The following MBOAT2 variants were observed in gnomAD, a reference collection of about 807,000 sequenced individuals.
MBOAT2 encodes the protein membrane bound glycerophospholipid O-acyltransferase 2.
Under a neutral mutation model 63.4 loss-of-function variants are expected in MBOAT2, and 28 were observed. The observed-to-expected ratio is 0.44, with a 90% CI of 0.33 to 0.61. The LOEUF is 0.61. MBOAT2 is among the 20% of genes least tolerant of loss of function. MBOAT2 has a pLI of 0.03. For synonymous variants in MBOAT2, 211 were observed against 215.6 expected (o/e 0.98, Z 0.19); for missense variants, 470 against 605.8 (o/e 0.78, Z 2.35).
At chr2:8,999,358 G>A (rs757830341) in intron 1 of MBOAT2, among the ~76,000 whole-genome samples, 25 of 152,260 alleles carry the variant, frequency 1.6e-4, no homozygotes, top group Non-Finnish European at 3.1e-4. Context: ...TGGTTAAAAA[G>A]GCAAGAAAGA....
intron 3 of MBOAT2, among the ~76,000 whole-genome samples, chr2:8,912,361 GAAAGAAAGAAAGAGAA>G (rs1665817370): frequency 5.4e-4 from 57 of 105,028 alleles, no homozygotes; most frequent in African/African-American, 7.8e-4. Context: ...GAGAAAGAAA[GAAAGAAAGAAAGAGAA>G]AGAAAGAAAG....
intron 1 of MBOAT2, among the ~76,000 whole-genome samples, chr2:8,983,095 C>A: frequency 6.6e-6 from 1 of 152,146 alleles, no homozygotes; most frequent in East Asian, 1.9e-4. Flanking sequence ...TTACAGGTCA[C>A]TGAGACTCCC....
intron 1 of MBOAT2, among the ~76,000 whole-genome samples, chr2:8,983,707 T>C (rs1017053421): frequency 2.6e-5 from 4 of 152,194 alleles, no homozygotes; most frequent in Non-Finnish European, 5.9e-5. Context: ...TTCCTAATTT[T>C]GATGGTCATT....
chr2:8,855,636 C>T lies in MBOAT2; in HGVS notation c.*3043G>A, dbSNP rs1452736525. 6.6e-6 allele frequency: 1 copy of T among 152,124 alleles called. No individual in the cohort carries two copies. The highest frequency in any genetic ancestry group is 1.5e-5 in the Non-Finnish European group (1 of 68,024). 9.4% of individuals were successfully genotyped at this position (152,124 alleles called of 1,614,324 possible). A position where few individuals can be genotyped will look rare whatever the true frequency, so the allele number is the denominator to read the frequency against. The stretch of plus-strand genomic sequence containing the variant: ...TATTTTAGAAGCTAAATAAATTCCC[C>T]CAATTACCCTGAGTTCCAATAAAAA... On this transcript the variant is annotated 3_prime_UTR_variant, in exon 13 of 13. Transcript: ENST00000305997.
chr2:8,965,632 C>CT (rs988039620), intron 1 of MBOAT2, among the ~76,000 whole-genome samples: 4 of 152,156 alleles, frequency 2.6e-5, no homozygotes, highest in African/African-American at 9.7e-5. Flanking sequence ...TTTTCTCCAG[C>CT]TTTATATGCT....
At chr2:8,892,780 G>A (rs1558580982) in intron 4 of MBOAT2, among the ~76,000 whole-genome samples, 1 of 152,062 alleles carries the variant, frequency 6.6e-6, no homozygotes, top group Non-Finnish European at 1.5e-5. Flanking sequence ...AATATTCCAG[G>A]AAGAGAGAAA....
Position 8,862,934 on chromosome 2 carries a change from T to C in MBOAT2, c.1053-212A>G. Among the ~76,000 whole-genome samples the C allele has an allele frequency of 6.6e-6, 1 of 151,236 alleles. No individual in the cohort carries two copies. The highest frequency in any genetic ancestry group is 1.9e-4 in the East Asian group (1 of 5,188). ...AACATAAAGTTAATTCTCATCTTCT[T>C]ATTGGTATATATAGTATATATATTG... On this transcript the variant is annotated intron_variant, in intron 10 of 12. Coordinates refer to ENST00000305997, the MANE Select transcript of MBOAT2 (RefSeq NM_138799.4). The surrounding 1 kb of genome is among the most constrained non-coding windows in gnomAD (Gnocchi z 4.3).
At chr2:8,888,140 A>G in intron 4 of MBOAT2, 67 bp from the exon 5 acceptor site, 8 of 1,411,056 alleles carry the variant, frequency 5.7e-6, no homozygotes, top group African/African-American at 2.9e-5. Context: ...ATGACATATG[A>G]GTTAAGAGTT....
intron 3 of MBOAT2, among the ~76,000 whole-genome samples, chr2:8,928,948 T>C (rs527750824): frequency 6.6e-6 from 1 of 152,226 alleles, no homozygotes; most frequent in African/African-American, 2.4e-5. Flanking sequence ...ATTTTGCAAA[T>C]GACTGATCCA....
chr2:8,873,354 A>G, intron 7 of MBOAT2, 54 bp from the exon 8 acceptor site: 2 of 1,534,822 alleles, frequency 1.3e-6, no homozygotes, highest in Non-Finnish European at 1.8e-6. Context: ...CTTTTAATTC[A>G]TTCTATGTAT....
intron 1 of MBOAT2, among the ~76,000 whole-genome samples, chr2:8,960,146 A>AT (rs1009661549): frequency 6.6e-6 from 1 of 152,182 alleles, no homozygotes; most frequent in South Asian, 2.1e-4. Flanking sequence ...TTCTAATGGC[A>AT]TTTTTTTTAA....
At chr2:8,873,415 G>A (rs1196024678) in intron 7 of MBOAT2, 115 bp from the exon 8 acceptor site, 13 of 1,089,886 alleles carry the variant, frequency 1.2e-5, no homozygotes, top group African/African-American at 3.2e-5. Flanking sequence ...CAACTCTCCT[G>A]GTCAAAATTC....
intron 1 of MBOAT2, among the ~76,000 whole-genome samples, chr2:8,972,329 A>C (rs1387503556): frequency 6.6e-6 from 1 of 152,354 alleles, no homozygotes; most frequent in East Asian, 1.9e-4. Context: ...AGAAAGCTGA[A>C]ACTGGATCTC....
chr2:8,890,823 T>C (rs1227884228), intron 4 of MBOAT2, among the ~76,000 whole-genome samples: 1 of 152,196 alleles, frequency 6.6e-6, no homozygotes, highest in Non-Finnish European at 1.5e-5. Context: ...GCCTGGCCAA[T>C]AAATATTTTT....
In MBOAT2 at chr2:8,854,730, G is replaced by C. The variant is rs1428870339; in HGVS notation, c.*3949C>G. On this transcript the variant is annotated 3_prime_UTR_variant, in exon 13 of 13. Coordinates refer to ENST00000305997, the MANE Select transcript of MBOAT2 (RefSeq NM_138799.4). ...CAAGGTATGAACTTTAAATAGGAGA[G>C]ATTTTTGTCCTAAAACTGTGATCTA... 1 of 152,176 alleles carries C rather than the reference G, an allele frequency of 6.6e-6. No individual in the cohort carries two copies. Among genetic ancestry groups the C allele is most frequent in the African/African-American group, 2.4e-5 (1 of 41,448 alleles). 9.4% of individuals were successfully genotyped at this position (152,176 alleles called of 1,614,324 possible). A position where few individuals can be genotyped will look rare whatever the true frequency, so the allele number is the denominator to read the frequency against.
rs999364163 is a variant in MBOAT2, at chr2:8,853,113, G to C, written c.*5566C>G. ...GGCAGAGATCAAGACAACGTTTAAA[G>C]GAAGGCAGGAATGAAATCACACATT... is the stretch of plus-strand genomic sequence containing the variant. On this transcript the variant is annotated 3_prime_UTR_variant, in exon 13 of 13. Transcript: ENST00000305997. 6.6e-6 allele frequency: 1 copy of C among 152,142 alleles called. No homozygotes were observed. 9.4% of individuals were successfully genotyped at this position (152,142 alleles called of 1,614,324 possible).
At chr2:8,926,922 C>G (rs60475277) in intron 3 of MBOAT2, among the ~76,000 whole-genome samples, 1 of 152,250 alleles carries the variant, frequency 6.6e-6, no homozygotes, top group East Asian at 1.9e-4. Flanking sequence ...CTACATGCCC[C>G]GGGCTGCTCT....
intron 1 of MBOAT2, among the ~76,000 whole-genome samples, chr2:8,968,455 T>A (rs1336167615): frequency 6.6e-6 from 1 of 152,132 alleles, no homozygotes; most frequent in South Asian, 2.1e-4. Context: ...AGCTGAAAAT[T>A]CTAAAAATCA....
intron 3 of MBOAT2, among the ~76,000 whole-genome samples, chr2:8,916,761 C>T (rs1031731296): frequency 6.6e-6 from 1 of 152,206 alleles, no homozygotes; most frequent in Non-Finnish European, 1.5e-5. Flanking sequence ...AAGGCTTGCA[C>T]ATTTGAATAC....
Sources: gnomAD v4.1 joint callset for allele counts (sites outside exome capture counted in the v4.1 genomes callset) on GRCh38, gnomAD v4.1.1 for gene constraint, Gnocchi (gnomAD v3.1) non-coding constraint, MANE v1.5 for transcripts, NCBI Gene and HGNC (gene_info 2026-07-23, HGNC 2026-07-21) for gene names.